Variants in ANKRD44 observed in about 807,000 individuals in gnomAD.
ANKRD44 encodes the protein ankyrin repeat domain 44.
In ANKRD44, 35 loss-of-function variants were observed where a neutral mutation model predicts 116.0. That is an observed-to-expected ratio of 0.30 (90% CI 0.23 to 0.40). The LOEUF is 0.40. Ranked by LOEUF, ANKRD44 falls within the 10% of genes least tolerant of loss-of-function variation. ANKRD44 has a pLI of 1.00. For missense variants in ANKRD44, 1,014 were observed against 1,242.6 expected (o/e 0.82, Z 2.77); for synonymous variants, 435 against 461.8 (o/e 0.94, Z 0.74).
chr2:197,278,505 C>CT (rs1162557107), intron 1 of ANKRD44, among the ~76,000 whole-genome samples: 12 of 151,928 alleles, frequency 7.9e-5, no homozygotes, highest in Non-Finnish European at 1.5e-4. Context: ...TACAGGCACG[C>CT]ACCACCACGC....
intron 16 of ANKRD44, among the ~76,000 whole-genome samples, chr2:197,074,342 G>A (rs1343421700): frequency 6.6e-6 from 1 of 152,178 alleles, no homozygotes; most frequent in Non-Finnish European, 1.5e-5. Context: ...GTTTGGAGCT[G>A]GGGTTCAAAT....
chr2:197,094,095 G>A (rs1022114326), intron 10 of ANKRD44, among the ~76,000 whole-genome samples: 3 of 152,172 alleles, frequency 2.0e-5, no homozygotes, highest in African/African-American at 4.8e-5. Context: ...GCCTTCACAC[G>A]ATTAGAATTT....
chr2:196,977,105 A>G (rs1305833510), intron 21 of ANKRD44, among the ~76,000 whole-genome samples: 4 of 152,236 alleles, frequency 2.6e-5, no homozygotes. Flanking sequence ...AATATTTAGG[A>G]ATGAATTTAA....
intron 1 of ANKRD44, among the ~76,000 whole-genome samples, chr2:197,251,900 T>G (rs537540905): frequency 6.6e-6 from 1 of 152,358 alleles, no homozygotes; most frequent in Admixed American, 6.5e-5. Flanking sequence ...ACTTATTTTT[T>G]TTCTTCAAAA....
chr2:197,088,627 G>A (rs1036089152), intron 12 of ANKRD44, 84 bp downstream of exon 12: 1 of 807,302 alleles, frequency 1.2e-6, no homozygotes, highest in Non-Finnish European at 1.9e-6. Context: ...TAAGGAAATT[G>A]CCTTTGATTC....
chr2:197,197,827 AAAAG>A (rs200814475), intron 1 of ANKRD44, among the ~76,000 whole-genome samples: 7,959 of 43,926 alleles, frequency 0.18, 632 homozygotes, highest in East Asian at 0.37. Context: ...AAAAAAAAAA[AAAAG>A]AAAGAAAGAA....
intron 2 of ANKRD44, among the ~76,000 whole-genome samples, chr2:197,154,904 G>A (rs375389787): frequency 1.5e-4 from 23 of 152,046 alleles, no homozygotes; most frequent in Admixed American, 1.3e-4. Context: ...TCATTTGAAT[G>A]TAACATGGAT....
chr2:197,039,817 G>A (rs2076876609), intron 16 of ANKRD44, among the ~76,000 whole-genome samples: 1 of 152,116 alleles, frequency 6.6e-6, no homozygotes, highest in African/African-American at 2.4e-5. Context: ...TAGGATGCAA[G>A]AGAGTAAGAA....
intron 16 of ANKRD44, among the ~76,000 whole-genome samples, chr2:197,068,784 A>G (rs957163977): frequency 6.6e-6 from 1 of 152,236 alleles, no homozygotes; most frequent in Non-Finnish European, 1.5e-5. Flanking sequence ...GGCAGTCATT[A>G]AAGTCAGGAA....
rs1255649819 is a variant in ANKRD44, at chr2:197,239,009, C to T, written c.28-51903G>A. 2.6e-5 allele frequency among the ~76,000 whole-genome samples: 4 copies of T among 152,178 alleles called. No individual in the cohort carries two copies. The East Asian group carries it at 5.8e-4, about 22-fold the overall frequency. On this transcript the variant is annotated intron_variant, in intron 1 of 27. Transcript: ENST00000282272. The stretch of plus-strand genomic sequence containing the variant: ...CCTCGGCTGGGAGTACAGGCGTGAA[C>T]CACCGTGGCTAGCCCAGGTTCCATC...
chr2:197,047,952 A>C (rs906451105), intron 16 of ANKRD44, among the ~76,000 whole-genome samples: 1 of 152,030 alleles, frequency 6.6e-6, no homozygotes, highest in Non-Finnish European at 1.5e-5. Context: ...TTGAATACCT[A>C]TAACAAATGC....
chr2:197,079,784 T>A (rs1461505927), intron 15 of ANKRD44, among the ~76,000 whole-genome samples: 2 of 149,728 alleles, frequency 1.3e-5, no homozygotes, highest in Admixed American at 1.3e-4. Context: ...AATAGAAAAT[T>A]TCTATAGTTT....
At chr2:197,241,567 G>A (rs547949503) in intron 1 of ANKRD44, among the ~76,000 whole-genome samples, 3 of 152,152 alleles carry the variant, frequency 2.0e-5, no homozygotes, top group African/African-American at 7.2e-5. Context: ...CTATTTCCAA[G>A]TTCTCTATAA....
At chr2:197,278,828 G>C (rs558079976) in intron 1 of ANKRD44, among the ~76,000 whole-genome samples, 83 of 152,220 alleles carry the variant, frequency 5.5e-4, no homozygotes, top group Non-Finnish European at 4.4e-4. Flanking sequence ...CTCTGAGGCA[G>C]AGACTTTTCG....
chr2:197,272,589 T>C (rs1035087255), intron 1 of ANKRD44, among the ~76,000 whole-genome samples: 10 of 152,224 alleles, frequency 6.6e-5, no homozygotes, highest in Non-Finnish European at 1.5e-4. Context: ...GCAGCCCAAA[T>C]GGACTAATAC....
At chr2:197,101,352 A>AT (rs2078289433) in intron 9 of ANKRD44, among the ~76,000 whole-genome samples, 1 of 152,134 alleles carries the variant, frequency 6.6e-6, no homozygotes, top group Non-Finnish European at 1.5e-5. Context: ...CAGGCTAAAC[A>AT]TTTTGGCAAC....
chr2:197,247,698 C>G (rs190514791), intron 1 of ANKRD44, among the ~76,000 whole-genome samples: 24 of 152,234 alleles, frequency 1.6e-4, no homozygotes, highest in African/African-American at 5.1e-4. Flanking sequence ...ATGGGAACAC[C>G]CAAAACCACA....
intron 16 of ANKRD44, among the ~76,000 whole-genome samples, chr2:197,041,648 G>A (rs1204878966): frequency 6.6e-6 from 1 of 152,140 alleles, no homozygotes; most frequent in African/African-American, 2.4e-5. Flanking sequence ...GCATCTTCCT[G>A]TCTCTTTTTC....
At chr2:196,971,544 T>C (rs2075715987) in intron 21 of ANKRD44, among the ~76,000 whole-genome samples, 2 of 151,992 alleles carry the variant, frequency 1.3e-5, no homozygotes, top group African/African-American at 4.8e-5. Flanking sequence ...AACAGCTGCA[T>C]TTTTTTTCAT....
Sources: gnomAD v4.1 joint callset for allele counts (sites outside exome capture counted in the v4.1 genomes callset) on GRCh38, gnomAD v4.1.1 for gene constraint, MANE v1.5 for transcripts, NCBI Gene and HGNC (gene_info 2026-07-23, HGNC 2026-07-21) for gene names.